CTNNA1: variants seen among roughly 807,000 people sequenced by gnomAD.
CTNNA1 encodes the protein catenin alpha-1.
Under a neutral mutation model 98.4 loss-of-function variants are expected in CTNNA1, and 37 were observed. The observed-to-expected ratio is 0.38, with a 90% CI of 0.29 to 0.49. The LOEUF is 0.49. Among genes scored for constraint, CTNNA1 ranks in the 20% least tolerant of loss-of-function variants. The pLI is 0.95. For synonymous variants in CTNNA1, 404 were observed against 413.2 expected (o/e 0.98, Z 0.27); for missense variants, 761 against 1,147.2 (o/e 0.66, Z 4.86).
At chr5:138,809,220 A>G (rs1266928444) in intron 3 of CTNNA1, among the ~76,000 whole-genome samples, 1 of 152,186 alleles carries the variant, frequency 6.6e-6, no homozygotes, top group South Asian at 2.1e-4. Flanking sequence ...AATCTATTTT[A>G]TATGTTTTTA....
At chr5:138,872,981 C>A in intron 7 of CTNNA1, 2 of 1,490,174 alleles carry the variant, frequency 1.3e-6, no homozygotes, top group Non-Finnish European at 1.8e-6. Context: ...GGTTACTTAT[C>A]TGATGTGATT....
At chr5:138,893,339 T>G (rs1209178006) in intron 9 of CTNNA1, among the ~76,000 whole-genome samples, 2 of 152,250 alleles carry the variant, frequency 1.3e-5, no homozygotes, top group East Asian at 3.9e-4. Flanking sequence ...TTTCCATACA[T>G]AGGTGCTGCT....
rs572283013 is a variant in CTNNA1 at position 138,756,689 on chromosome 5, G to A, written c.-3+3179G>A. On this transcript the variant is annotated intron_variant, in intron 1 of 17. Transcript: ENST00000302763. ...GAAGACCTCACATGAGATTGCCAGA[G>A]AAGGCAGAGGCCATGTTGGGGTTTT... Among the ~76,000 whole-genome samples the A allele has an allele frequency of 4.6e-5, 7 of 152,346 alleles. No homozygotes were observed. In the East Asian group the frequency reaches 1.4e-3, roughly 29 times the overall value.
At position 138,873,863 on chromosome 5, in the gene CTNNA1, G is replaced by A. The variant is rs753095418; in HGVS notation, c.1063-12349G>A. ...GATTTTGTTCCATTGTAAGAAGAGC[G>A]TGTGCAGACTGCTTAGCCGTAGGAA... On this transcript the variant is annotated intron_variant, in intron 7 of 17. Transcript: ENST00000302763. This position sits in a 1 kb window ranked among gnomAD's most constrained non-coding sequence, Gnocchi z 6.1. 4.3e-5 allele frequency: 70 copies of A among 1,613,868 alleles called. No individual in the cohort carries two copies. Among genetic ancestry groups the A allele is most frequent in the Middle Eastern group, 1.6e-4 (1 of 6,084 alleles).
At chr5:138,765,243 G>T (rs967049443) in intron 1 of CTNNA1, among the ~76,000 whole-genome samples, 48 of 152,240 alleles carry the variant, frequency 3.2e-4, no homozygotes, top group South Asian at 6.2e-4. Flanking sequence ...GTTTCACCAG[G>T]TTGGCCAGGC....
intron 1 of CTNNA1, among the ~76,000 whole-genome samples, chr5:138,776,045 T>TC (rs1462772232): frequency 7.0e-6 from 1 of 143,698 alleles, no homozygotes; most frequent in East Asian, 2.0e-4. Flanking sequence ...GTTTCTTTTT[T>TC]TTTTTTTTTT....
intron 10 of CTNNA1, among the ~76,000 whole-genome samples, chr5:138,909,364 T>C (rs1308775709): frequency 3.6e-5 from 5 of 139,194 alleles, no homozygotes; most frequent in Non-Finnish European, 6.3e-5. Context: ...CCCCCCACCC[T>C]TTTTTTTTTT....
chr5:138,819,870 T>G (rs918973189), intron 5 of CTNNA1, among the ~76,000 whole-genome samples: 167 of 102,172 alleles, frequency 1.6e-3, no homozygotes, highest in Middle Eastern at 0.01. Context: ...GGGGGGTGAG[T>G]GGGGGGATTT....
At position 138,932,955 on chromosome 5, in the gene CTNNA1, C is replaced by T. The variant is rs766950436; in HGVS notation, c.2433+243C>T. On this transcript the variant is annotated intron_variant, in intron 17 of 17. Coordinates refer to ENST00000302763, the MANE Select transcript of CTNNA1 (RefSeq NM_001903.5). ...CCTCCTCCCCTTTGCTGGCCACTCA[C>T]TGGGTAGGAATTTTTAAAAATCTTC... 8 of 770,404 alleles carry T rather than the reference C, an allele frequency of 1.0e-5. No homozygotes were observed. The African/African-American group carries it at 1.2e-4, about 11-fold the overall frequency. The allele number at this position is 770,404 out of a possible 1,614,324, so 47.7% of individuals were successfully genotyped here.
chr5:138,915,354 A>G (rs1311604398), intron 10 of CTNNA1, among the ~76,000 whole-genome samples: 1 of 152,184 alleles, frequency 6.6e-6, no homozygotes, highest in African/African-American at 2.4e-5. Flanking sequence ...GGTACCTGAC[A>G]TCATCAGCTA....
intron 7 of CTNNA1, among the ~76,000 whole-genome samples, chr5:138,881,879 G>A (rs142984785): frequency 1.3e-5 from 2 of 152,208 alleles, no homozygotes; most frequent in East Asian, 1.9e-4. Context: ...TAAATGTTAA[G>A]GGTTAAAACA....
intron 6 of CTNNA1, among the ~76,000 whole-genome samples, chr5:138,826,419 C>G (rs1330106203): frequency 6.6e-6 from 1 of 152,148 alleles, no homozygotes. Flanking sequence ...GGAGGGAGGC[C>G]AGTAGCTGCT....
At chr5:138,774,469 T>C (rs1378008624) in intron 1 of CTNNA1, among the ~76,000 whole-genome samples, 1 of 152,184 alleles carries the variant, frequency 6.6e-6, no homozygotes, top group Non-Finnish European at 1.5e-5. Flanking sequence ...CCTGGATTTA[T>C]GTGGTAAAGA....
intron 6 of CTNNA1, 113 bp from the exon 7 acceptor site, chr5:138,827,402 C>G (rs1206655758): frequency 8.3e-7 from 1 of 1,203,316 alleles, no homozygotes; most frequent in Non-Finnish European, 1.2e-6. Context: ...AACTTTCTTT[C>G]AGATGTTGGA....
At chr5:138,837,794 T>G (rs1351842867) in intron 7 of CTNNA1, among the ~76,000 whole-genome samples, 1 of 149,484 alleles carries the variant, frequency 6.7e-6, no homozygotes, top group Non-Finnish European at 1.5e-5. Flanking sequence ...ACTAATTTTT[T>G]GTATTTTTTG....
At chr5:138,835,132 A>G (rs571395317) in intron 7 of CTNNA1, among the ~76,000 whole-genome samples, 13 of 152,162 alleles carry the variant, frequency 8.5e-5, no homozygotes, top group Non-Finnish European at 1.6e-4. Flanking sequence ...CAGTGGTGGA[A>G]TGTCATCAGT....
intron 1 of CTNNA1, among the ~76,000 whole-genome samples, chr5:138,777,750 C>T (rs1048804871): frequency 2.2e-4 from 34 of 151,182 alleles, no homozygotes; most frequent in Middle Eastern, 6.8e-3. Flanking sequence ...CACAGGCACT[C>T]GGCAGGCTGA....
chr5:138,794,400 C>T (rs1490078841), intron 3 of CTNNA1, among the ~76,000 whole-genome samples: 1 of 152,146 alleles, frequency 6.6e-6, no homozygotes, highest in Admixed American at 6.5e-5. Flanking sequence ...TCTCTTAAGG[C>T]ATCTGTCAGG....
At chr5:138,923,219 T>G (rs908451926) in intron 11 of CTNNA1, among the ~76,000 whole-genome samples, 1 of 152,236 alleles carries the variant, frequency 6.6e-6, no homozygotes, top group African/African-American at 2.4e-5. Context: ...ATGGTAGTCC[T>G]GCTCAGTACA....
Sources: gnomAD v4.1 joint callset for allele counts (sites outside exome capture counted in the v4.1 genomes callset) on GRCh38, gnomAD v4.1.1 for gene constraint, Gnocchi (gnomAD v3.1) non-coding constraint, MANE v1.5 for transcripts, NCBI Gene and HGNC (gene_info 2026-07-23, HGNC 2026-07-21) for gene names.